Variants in CACNA1C observed in about 807,000 individuals in gnomAD.
The protein encoded by CACNA1C is calcium voltage-gated channel subunit alpha1 C, also known as voltage-dependent L-type calcium channel subunit alpha-1C.
A neutral mutation model predicts 229.0 loss-of-function variants in CACNA1C; 30 were observed. That is an observed-to-expected ratio of 0.13 (90% CI 0.10 to 0.18). The LOEUF (loss-of-function observed/expected upper bound fraction) is 0.18. Ranked by LOEUF, CACNA1C falls within the 10% of genes least tolerant of loss-of-function variation. CACNA1C has a pLI of 1.00. For synonymous variants in CACNA1C, 1,114 were observed against 1,132.5 expected (o/e 0.98, Z 0.33); for missense variants, 1,658 against 2,845.0 (o/e 0.58, Z 9.49).
At chr12:2,436,122 G>A (rs566558842) in intron 3 of CACNA1C, among the ~76,000 whole-genome samples, 126 of 152,308 alleles carry the variant, frequency 8.3e-4, no homozygotes, top group African/African-American at 3.0e-3. Context: ...AAGATATGGA[G>A]GTGGGGAAGG....
In CACNA1C at chr12:2,677,918, C is replaced by G. The variant is rs1016005777; in HGVS notation, c.5091+51C>G. 73 of 1,602,318 alleles carry G rather than the reference C, an allele frequency of 4.6e-5. No homozygotes were observed. The African/African-American group carries it at 9.5e-4, about 21-fold the overall frequency. ...GACCCCTATAAAGTTCAGTTTGGAG[C>G]AAGAGGTTGGGCTGGGGTTTTGCGG... On this transcript the variant is annotated intron_variant, in intron 41 of 46. Transcript: ENST00000399655. This position sits in a 1 kb window ranked among gnomAD's most constrained non-coding sequence, Gnocchi z 7.4.
rs561068892 is a variant in CACNA1C at position 2,642,019 on chromosome 12, G to A, written c.3913-6456G>A. Among the ~76,000 whole-genome samples, 35 of 152,298 alleles carry A rather than the reference G, an allele frequency of 2.3e-4. No individual in the cohort carries two copies. In the South Asian group the frequency reaches 7.1e-3, roughly 31 times the overall value. ...ACTGGTGTGATGTGGGGTTGAGGGG[G>A]TGCAGACAGAGAGACGGGCCTGAGA... On this transcript the variant is annotated intron_variant, in intron 30 of 46. Transcript: ENST00000399655.
chr12:2,610,595 A>G lies in CACNA1C; in HGVS notation c.3613A>G (p.Lys1205Glu), dbSNP rs1555886810. Residue 1205 changes from lysine to glutamate, a missense_variant, in exon 28 of 47, where the codon AAG (lysine) becomes GAG (glutamate). Lys to Glu is a moderately conservative substitution (Grantham distance 56, BLOSUM62 1). Transcript: ENST00000399655. ...CCGGCCCCTGCGGAGGTACATCCCC[A>G]AGAACCAGCACCAGTACAAAGTGTG... ...KARPLRRYIP[K>E]NQHQYKVWYV... The G allele has an allele frequency of 1.9e-6, 3 of 1,614,110 alleles. No individual in the cohort carries two copies. In the East Asian group the frequency reaches 6.7e-5, roughly 36 times the overall value.
At chr12:2,448,282 C>T (rs1487657305) in intron 3 of CACNA1C, among the ~76,000 whole-genome samples, 1 of 152,216 alleles carries the variant, frequency 6.6e-6, no homozygotes, top group Non-Finnish European at 1.5e-5. Flanking sequence ...TTCCATTCTC[C>T]ACTCCCACCC....
intron 1 of CACNA1C, among the ~76,000 whole-genome samples, chr12:2,023,536 G>T (rs982295827): frequency 1.2e-4 from 18 of 152,222 alleles, no homozygotes; most frequent in Non-Finnish European, 2.5e-4. Flanking sequence ...CCTCCTATTG[G>T]CTAATGTGGA....
intron 5 of CACNA1C, among the ~76,000 whole-genome samples, chr12:2,483,928 G>A (rs953973779): frequency 1.3e-5 from 2 of 152,128 alleles, no homozygotes; most frequent in African/African-American, 4.8e-5. Flanking sequence ...ACTCACCAGC[G>A]CTCCAGGACA....
chr12:2,244,592 C>T (rs2072191961), intron 3 of CACNA1C, among the ~76,000 whole-genome samples: 1 of 152,214 alleles, frequency 6.6e-6, no homozygotes, highest in South Asian at 2.1e-4. Flanking sequence ...GAAGGGAATG[C>T]AGAAGTCTGC....
At chr12:2,449,494 C>T (rs1348700714) in intron 4 of CACNA1C, among the ~76,000 whole-genome samples, 2 of 152,234 alleles carry the variant, frequency 1.3e-5, no homozygotes, top group East Asian at 3.9e-4. Flanking sequence ...CCCCACCTGG[C>T]TGTCTCACCA....
chr12:2,448,393 CT>C (rs2099320271), intron 3 of CACNA1C, among the ~76,000 whole-genome samples: 1 of 152,200 alleles, frequency 6.6e-6, no homozygotes, highest in South Asian at 2.1e-4. Context: ...TTTCACATTT[CT>C]GGATCGGTGT....
chr12:2,200,096 G>T (rs1051236542), intron 3 of CACNA1C, among the ~76,000 whole-genome samples: 1 of 152,154 alleles, frequency 6.6e-6, no homozygotes, highest in Admixed American at 6.5e-5. Flanking sequence ...TGCACATGGT[G>T]AGCACTCGAC....
intron 1 of CACNA1C, among the ~76,000 whole-genome samples, chr12:2,097,290 C>T (rs555186857): frequency 2.0e-4 from 31 of 152,046 alleles, no homozygotes; most frequent in African/African-American, 7.0e-4. Context: ...GGACTACAGG[C>T]GCCTGCCACC....
intron 3 of CACNA1C, among the ~76,000 whole-genome samples, chr12:2,315,134 T>A (rs1324767587): frequency 6.6e-6 from 1 of 152,202 alleles, no homozygotes; most frequent in Non-Finnish European, 1.5e-5. Context: ...CGGGTCACAC[T>A]TTCCCCCAAC....
At chr12:2,320,056 C>T (rs886651131) in intron 3 of CACNA1C, among the ~76,000 whole-genome samples, 2 of 152,164 alleles carry the variant, frequency 1.3e-5, no homozygotes, top group African/African-American at 4.8e-5. Flanking sequence ...TAGAGGGCCA[C>T]GTCCCTGGCC....
At chr12:2,462,679 C>G (rs1207118652) in intron 5 of CACNA1C, among the ~76,000 whole-genome samples, 5 of 152,244 alleles carry the variant, frequency 3.3e-5, no homozygotes, top group Non-Finnish European at 7.3e-5. Context: ...ACCCCACCCA[C>G]TAAAATGATG....
chr12:2,402,671 G>A (rs912534517), intron 3 of CACNA1C, among the ~76,000 whole-genome samples: 10 of 152,194 alleles, frequency 6.6e-5, no homozygotes, highest in African/African-American at 2.2e-4. Flanking sequence ...TTGTAATCTG[G>A]AGATAAGCAG....
At chr12:2,052,868 G>A (rs2052652033), upstream of CACNA1C, among the ~76,000 whole-genome samples, 1 of 143,754 alleles carries the variant, frequency 7.0e-6, no homozygotes, top group African/African-American at 2.5e-5. Flanking sequence ...ATCTGGAAGC[G>A]TTCAGCGCGT....
chr12:2,417,226 C>A (rs1052148865), intron 3 of CACNA1C, among the ~76,000 whole-genome samples: 10 of 152,176 alleles, frequency 6.6e-5, no homozygotes, highest in African/African-American at 2.4e-4. Flanking sequence ...TGTAGCTAGC[C>A]CATACTCTGC....
chr12:2,624,690 A>T (rs921566967), intron 29 of CACNA1C, among the ~76,000 whole-genome samples: 1 of 152,274 alleles, frequency 6.6e-6, no homozygotes, highest in African/African-American at 2.4e-5. Flanking sequence ...ACAGAGCTCC[A>T]CAGCGCCCCG....
chr12:2,004,490 AG>A, intron 1 of CACNA1C: 1 of 1,531,578 alleles, frequency 6.5e-7, no homozygotes, highest in South Asian at 1.3e-5. Flanking sequence ...AATAGATCGC[AG>A]AACGAGCGAG....
Sources: gnomAD v4.1 joint callset for allele counts (sites outside exome capture counted in the v4.1 genomes callset) on GRCh38, gnomAD v4.1.1 for gene constraint, Gnocchi (gnomAD v3.1) non-coding constraint, MANE v1.5 for transcripts, NCBI Gene and HGNC (gene_info 2026-07-23, HGNC 2026-07-21) for gene names.